Variants in MTMR9 observed in about 807,000 individuals in gnomAD.
MTMR9 encodes myotubularin-related protein 9.
Under a neutral mutation model 69.5 loss-of-function variants are expected in MTMR9, and 39 were observed. The observed-to-expected ratio is 0.56, with a 90% CI of 0.43 to 0.73. MTMR9 has a LOEUF of 0.73. Ranked by LOEUF, MTMR9 falls within the 30% of genes least tolerant of loss-of-function variation. The pLI, the probability that MTMR9 is intolerant of heterozygous loss-of-function variation, is 0.00. For synonymous variants in MTMR9, 354 were observed against 240.8 expected (o/e 1.47, Z -4.35); for missense variants, 900 against 671.2 (o/e 1.34, Z -3.77).
At chr8:11,287,380 A>T (rs1256244631) in intron 1 of MTMR9, among the ~76,000 whole-genome samples, 1 of 152,090 alleles carries the variant, frequency 6.6e-6, no homozygotes, top group East Asian at 1.9e-4. Flanking sequence ...GTAGTACATG[A>T]AGAAGAAGCA....
chr8:11,309,815 C>T, intron 6 of MTMR9, 127 bp downstream of exon 6: 1 of 931,936 alleles, frequency 1.1e-6, no homozygotes, highest in Non-Finnish European at 1.6e-6. Context: ...TAGTCAACAC[C>T]ATCCCATTAT....
downstream of MTMR9, chr8:11,331,688 G>T (rs748705503): frequency 6.2e-7 from 1 of 1,612,052 alleles, no homozygotes; most frequent in South Asian, 1.1e-5. Flanking sequence ...TGGGCTATGT[G>T]CAGGCTTTCC....
At chr8:11,321,079 G>T (rs2117461580) in intron 9 of MTMR9, 1 of 166,100 alleles carries the variant, frequency 6.0e-6, no homozygotes, top group African/African-American at 2.4e-5. Flanking sequence ...CTCTTCTCTG[G>T]ATGTCAGCTG....
chr8:11,306,211 C>G lies in MTMR9; in HGVS notation c.613C>G (p.Pro205Ala). 1 of 1,613,120 alleles carries G rather than the reference C, an allele frequency of 6.2e-7. No individual in the cohort carries two copies. Among genetic ancestry groups the G allele is most frequent in the Non-Finnish European group, 8.5e-7 (1 of 1,179,904 alleles). Residue 205 changes from proline (P) to alanine (A), a missense_variant, in exon 5 of 10, where the codon CCA becomes GCA. Coordinates refer to ENST00000221086, the MANE Select transcript of MTMR9 (RefSeq NM_015458.4). ...CTAGGTAATTATGCGAAGTGGTCAG[C>G]CACTCACTGGTACAAACGGGAGGAG... ...NGMVIMRSGQ[P>A]LTGTNGRRCK... is the part of the protein sequence containing the mutation.
At chr8:11,330,787 C>A (rs1047819088), downstream of MTMR9, 1 of 443,338 alleles carries the variant, frequency 2.3e-6, no homozygotes, top group African/African-American at 2.0e-5. Flanking sequence ...TGCGGAAGGC[C>A]GCAGGGTCCT....
Position 11,327,369 on chromosome 8 carries a change from C to G in MTMR9, c.*4581C>G, listed in dbSNP as rs1021947659. 11 of 152,332 alleles carry G rather than the reference C, an allele frequency of 7.2e-5. No homozygotes were observed. Among genetic ancestry groups the G allele is most frequent in the Middle Eastern group, 3.4e-3 (1 of 294 alleles). The allele number at this position is 152,332 out of a possible 1,614,324, so 9.4% of individuals were successfully genotyped here. Reference sequence around the variant, plus strand: ...GAGTTTACTGACTTCTAGAGCCATTCTCTTTAACCGTCTGCAGGTCTAAGG... The same window carrying G: ...GAGTTTACTGACTTCTAGAGCCATTGTCTTTAACCGTCTGCAGGTCTAAGG... On this transcript the variant is annotated 3_prime_UTR_variant, in exon 10 of 10. Coordinates refer to ENST00000221086, the MANE Select transcript of MTMR9 (RefSeq NM_015458.4).
At chr8:11,302,253 CAAAAA>C (rs34305448) in intron 3 of MTMR9, among the ~76,000 whole-genome samples, 2 of 58,976 alleles carry the variant, frequency 3.4e-5, no homozygotes, top group African/African-American at 1.4e-4. Flanking sequence ...ACCCTGTCTC[CAAAAA>C]AAAAAAAAAA....
At chr8:11,303,947 C>G (rs923843102) in intron 3 of MTMR9, among the ~76,000 whole-genome samples, 2 of 152,184 alleles carry the variant, frequency 1.3e-5, no homozygotes, top group African/African-American at 4.8e-5. Context: ...ATAATCTTGT[C>G]TGTTAGTACG....
At chr8:11,305,798 A>G (rs1202928849) in intron 4 of MTMR9, among the ~76,000 whole-genome samples, 1 of 152,188 alleles carries the variant, frequency 6.6e-6, no homozygotes, top group African/African-American at 2.4e-5. Flanking sequence ...ACTTCTTATA[A>G]TTGTTGTTAA....
chr8:11,291,861 A>G (rs986442873), intron 1 of MTMR9, among the ~76,000 whole-genome samples: 8 of 152,290 alleles, frequency 5.3e-5, no homozygotes, highest in Non-Finnish European at 7.4e-5. Flanking sequence ...CAGCTGAAGC[A>G]GAATGACAGT....
At chr8:11,285,537 G>A (rs1799116572) in intron 1 of MTMR9, among the ~76,000 whole-genome samples, 1 of 152,084 alleles carries the variant, frequency 6.6e-6, no homozygotes, top group Non-Finnish European at 1.5e-5. Flanking sequence ...TCTGAAAAAT[G>A]TTCAGTGTAT....
downstream of MTMR9, among the ~76,000 whole-genome samples, chr8:11,328,384 T>A (rs1398781896): frequency 1.3e-5 from 2 of 151,386 alleles, no homozygotes; most frequent in Admixed American, 6.6e-5. Context: ...TGTTACACTG[T>A]TATTTTGCTG....
Position 11,325,946 on chromosome 8 carries a change from A to G in MTMR9, c.*3158A>G, listed in dbSNP as rs762129123. On this transcript the variant is annotated 3_prime_UTR_variant, in exon 10 of 10. Coordinates refer to ENST00000221086, the MANE Select transcript of MTMR9 (RefSeq NM_015458.4). ...ATAATAGACATTCATGTCAGATCCCATATGGGGGATTTTTAAACATTTCTT... is the reference window on the plus strand; with the variant it reads ...ATAATAGACATTCATGTCAGATCCCGTATGGGGGATTTTTAAACATTTCTT... 1 of 152,188 alleles carries G rather than the reference A, an allele frequency of 6.6e-6. No homozygotes were observed. The highest frequency in any genetic ancestry group is 1.5e-5 in the Non-Finnish European group (1 of 68,032). 9.4% of individuals were successfully genotyped at this position (152,188 alleles called of 1,614,324 possible). A position where few individuals can be genotyped will look rare whatever the true frequency, so the allele number is the denominator to read the frequency against.
rs75155407 is a variant in MTMR9 at position 11,306,631 on chromosome 8, A to T, written c.809+224A>T. ...GATGTACACTGTGCTATTTTGATAT[A>T]CATATACATTGTGAACTGATTAAGT... On this transcript the variant is annotated intron_variant, in intron 5 of 9. Transcript: ENST00000221086. Among the ~76,000 whole-genome samples the T allele has an allele frequency of 5.6e-3, 847 of 152,198 alleles. 3 individuals are homozygous for T. Among genetic ancestry groups the T allele is most frequent in the Non-Finnish European group, 0.01 (681 of 68,034 alleles).
intron 8 of MTMR9, 103 bp from the exon 9 acceptor site, chr8:11,319,584 C>G (rs999609810): frequency 1.6e-6 from 2 of 1,224,664 alleles, no homozygotes; most frequent in Non-Finnish European, 2.3e-6. Flanking sequence ...GTCTTGTATT[C>G]TATCTTCTTT....
intron 1 of MTMR9, among the ~76,000 whole-genome samples, chr8:11,285,598 A>G (rs1799119395): frequency 6.6e-6 from 1 of 152,138 alleles, no homozygotes; most frequent in African/African-American, 2.4e-5. Flanking sequence ...TCACTAAGGG[A>G]GATTCTGATG....
At chr8:11,335,224 G>T in the MTMR9 span, among the ~76,000 whole-genome samples, 2 of 152,224 alleles carry the variant, frequency 1.3e-5, no homozygotes, top group African/African-American at 4.8e-5. Context: ...TAGCAAGGTT[G>T]CAGGGTGCAT....
At chr8:11,329,846 C>T (rs927878806), downstream of MTMR9, among the ~76,000 whole-genome samples, 5 of 150,732 alleles carry the variant, frequency 3.3e-5, no homozygotes, top group South Asian at 2.1e-4. Context: ...TCTTCCTGGC[C>T]GCCATCCCGT....
intron 9 of MTMR9, chr8:11,321,376 A>G: frequency 2.2e-6 from 1 of 456,252 alleles, no homozygotes. Flanking sequence ...GACTTCTGGG[A>G]CAATGTACTT....
Sources: gnomAD v4.1 joint callset for allele counts (sites outside exome capture counted in the v4.1 genomes callset) on GRCh38, gnomAD v4.1.1 for gene constraint, MANE v1.5 for transcripts, NCBI Gene and HGNC (gene_info 2026-07-23, HGNC 2026-07-21) for gene names.